The following IQGAP2 variants were observed in gnomAD, a reference collection of about 807,000 sequenced individuals.
The protein encoded by IQGAP2 is ras GTPase-activating-like protein IQGAP2.
Under a neutral mutation model 201.3 loss-of-function variants are expected in IQGAP2, and 173 were observed. The observed-to-expected ratio is 0.86, with a 90% CI of 0.76 to 0.98. IQGAP2 has a LOEUF of 0.98. IQGAP2 is among the 50% of genes least tolerant of loss of function. The probability of loss-of-function intolerance (pLI) is 0.00; values close to 1 mark genes in which losing one functional copy is unlikely to be tolerated. For synonymous variants in IQGAP2, 675 were observed against 673.9 expected, an observed-to-expected ratio of 1.00 and a Z score of -0.03; for missense variants, 1,687 against 1,864.8, an observed-to-expected ratio of 0.90 and a Z score of 1.76.
chr5:76,492,785 T>C (rs1339613978), intron 2 of IQGAP2, among the ~76,000 whole-genome samples: 1 of 152,162 alleles, frequency 6.6e-6, no homozygotes, highest in South Asian at 2.1e-4. Flanking sequence ...TCTTCACTCA[T>C]CCTACAAAGT....
At chr5:76,417,538 G>C (rs575047346) in intron 1 of IQGAP2, among the ~76,000 whole-genome samples, 70 of 152,180 alleles carry the variant, frequency 4.6e-4, no homozygotes, top group Middle Eastern at 3.4e-3. Context: ...ACCCACCTTG[G>C]CCTCCCAAAG....
chr5:76,420,452 T>G (rs1389191043), intron 1 of IQGAP2, among the ~76,000 whole-genome samples: 1 of 150,814 alleles, frequency 6.6e-6, no homozygotes, highest in Non-Finnish European at 1.5e-5. Context: ...CTCGGCTCAC[T>G]GCAATCTCCG....
intron 1 of IQGAP2, among the ~76,000 whole-genome samples, chr5:76,455,738 G>A (rs988924683): frequency 6.6e-6 from 1 of 152,182 alleles, no homozygotes; most frequent in African/African-American, 2.4e-5. Flanking sequence ...GGTATTGGCA[G>A]CCAATCAGGA....
chr5:76,552,063 T>C (rs1401597394), intron 2 of IQGAP2, among the ~76,000 whole-genome samples: 1 of 152,142 alleles, frequency 6.6e-6, no homozygotes, highest in East Asian at 1.9e-4. Context: ...CCTGAACACT[T>C]TCGTTGTGGG....
At chr5:76,513,617 G>C (rs1035175426) in intron 2 of IQGAP2, among the ~76,000 whole-genome samples, 1 of 152,194 alleles carries the variant, frequency 6.6e-6, no homozygotes, top group Non-Finnish European at 1.5e-5. Flanking sequence ...GGCTGAAAAG[G>C]CTACATATGG....
Position 76,510,198 on chromosome 5 carries a change from C to A in IQGAP2, c.146+48529C>A, listed in dbSNP as rs1757877253. Among the ~76,000 whole-genome samples, 3 of 152,036 alleles carry A rather than the reference C, an allele frequency of 2.0e-5. No homozygotes were observed. The South Asian group carries it at 6.2e-4, about 32-fold the overall frequency. The stretch of plus-strand genomic sequence containing the variant: ...TATTTTTGGTAGAGATGGAGTTTTG[C>A]CATGTTGGCCAGGCTGGTCTCGAAC... On this transcript the variant is annotated intron_variant, in intron 2 of 35. Transcript: ENST00000274364.
intron 13 of IQGAP2, chr5:76,618,235 T>C (rs1430533359): frequency 1.2e-6 from 2 of 1,614,216 alleles, no homozygotes; most frequent in Non-Finnish European, 1.7e-6. Context: ...AATACCCAGT[T>C]GTTCCCATTG....
chr5:76,466,420 G>T (rs1455535187), intron 2 of IQGAP2, among the ~76,000 whole-genome samples: 2 of 152,182 alleles, frequency 1.3e-5, no homozygotes. Flanking sequence ...ACGCAAAGTT[G>T]GAGGACTCAT....
At position 76,564,576 on chromosome 5, in the gene IQGAP2, T is replaced by C. The variant is rs376121409; in HGVS notation, c.303+2024T>C. On this transcript the variant is annotated intron_variant, in intron 3 of 35. Transcript: ENST00000274364. ...CTTCCTGACCAGCTCAGGGCCCTCA[T>C]GGCAGTTGCCTCATGGCAACTTAAA... Among the ~76,000 whole-genome samples the C allele has an allele frequency of 3.9e-5, 6 of 152,366 alleles. No homozygotes were observed. The East Asian group carries it at 1.2e-3, about 29-fold the overall frequency.
At chr5:76,685,847 G>A (rs759432484) in intron 30 of IQGAP2, among the ~76,000 whole-genome samples, 11 of 152,106 alleles carry the variant, frequency 7.2e-5, no homozygotes, top group African/African-American at 1.7e-4. Flanking sequence ...TAGTACATTC[G>A]CAGTGTGCAA....
chr5:76,663,082 AG>A (rs1743408008), intron 21 of IQGAP2, among the ~76,000 whole-genome samples: 1 of 152,242 alleles, frequency 6.6e-6, no homozygotes, highest in Non-Finnish European at 1.5e-5. Flanking sequence ...GGTGCCAGGA[AG>A]TAAACAGATT....
intron 13 of IQGAP2, chr5:76,623,341 G>T: frequency 7.5e-7 from 1 of 1,333,084 alleles, no homozygotes; most frequent in Non-Finnish European, 1.1e-6. Context: ...TGGTCTGTCT[G>T]TAGAAGTTTG....
intron 2 of IQGAP2, among the ~76,000 whole-genome samples, chr5:76,543,447 C>T (rs1161944634): frequency 6.6e-6 from 1 of 152,186 alleles, no homozygotes. Context: ...CTAGGTGGAC[C>T]GGCCTCCTTG....
chr5:76,570,075 G>A (rs1015128752), intron 3 of IQGAP2, among the ~76,000 whole-genome samples: 18 of 152,120 alleles, frequency 1.2e-4, no homozygotes, highest in African/African-American at 4.3e-4. Flanking sequence ...TTGTGGGATG[G>A]TTTTTGTTTT....
intron 2 of IQGAP2, among the ~76,000 whole-genome samples, chr5:76,539,081 C>G (rs1331740268): frequency 6.6e-6 from 1 of 152,138 alleles, no homozygotes; most frequent in African/African-American, 2.4e-5. Flanking sequence ...GTGTTCATGC[C>G]CCATCAGGCT....
chr5:76,701,291 C>T, intron 34 of IQGAP2, 78 bp downstream of exon 34: 1 of 1,383,792 alleles, frequency 7.2e-7, no homozygotes, highest in Admixed American at 1.8e-5. Flanking sequence ...TCCATTTGGT[C>T]TAGCAAGGCT....
At chr5:76,461,235 G>T (rs1754433634) in intron 1 of IQGAP2, among the ~76,000 whole-genome samples, 2 of 151,810 alleles carry the variant, frequency 1.3e-5, no homozygotes. Context: ...AAGTGTGGTG[G>T]CGTGTGCCTG....
chr5:76,528,082 T>C (rs1759069901), intron 2 of IQGAP2, among the ~76,000 whole-genome samples: 1 of 152,196 alleles, frequency 6.6e-6, no homozygotes. Context: ...GCGACCTTGT[T>C]CTTTGATTCA....
At chr5:76,503,237 G>A (rs1392462221) in intron 2 of IQGAP2, among the ~76,000 whole-genome samples, 2 of 140,354 alleles carry the variant, frequency 1.4e-5, no homozygotes, top group Admixed American at 7.5e-5. Flanking sequence ...GCAATGGTGC[G>A]ATCTCAGCTA....
Sources: gnomAD v4.1 joint callset for allele counts (sites outside exome capture counted in the v4.1 genomes callset) on GRCh38, gnomAD v4.1.1 for gene constraint, MANE v1.5 for transcripts, NCBI Gene and HGNC (gene_info 2026-07-23, HGNC 2026-07-21) for gene names.